PPP1R1C: variants seen among roughly 807,000 people sequenced by gnomAD.
PPP1R1C encodes the protein protein phosphatase 1 regulatory subunit 1C.
In PPP1R1C, 15 loss-of-function variants were observed where a neutral mutation model predicts 17.4. The ratio of observed to expected loss-of-function variants is 0.86; its 90% confidence interval spans 0.58 to 1.33. The LOEUF (loss-of-function observed/expected upper bound fraction) is 1.33. Among genes scored for constraint, PPP1R1C ranks in the 40% most tolerant of loss-of-function variants. The probability of loss-of-function intolerance (pLI) is 0.00; values close to 1 mark genes in which losing one functional copy is unlikely to be tolerated. For synonymous variants in PPP1R1C, 35 were observed against 43.1 expected, an observed-to-expected ratio of 0.81 and a Z score of 0.73; for missense variants, 143 against 130.0, an observed-to-expected ratio of 1.10 and a Z score of -0.48.
intron 2 of PPP1R1C, among the ~76,000 whole-genome samples, chr2:181,991,279 A>C (rs1463112294): frequency 6.6e-6 from 1 of 152,188 alleles, no homozygotes; most frequent in Non-Finnish European, 1.5e-5. Context: ...TGCTGGTCTA[A>C]ACACATAGAT....
At chr2:182,057,645 A>G (rs1687726036) in intron 2 of PPP1R1C, among the ~76,000 whole-genome samples, 1 of 152,076 alleles carries the variant, frequency 6.6e-6, no homozygotes, top group African/African-American at 2.4e-5. Context: ...CCTCTAACAC[A>G]TTTTTACTTG....
intron 4 of PPP1R1C, among the ~76,000 whole-genome samples, chr2:182,087,083 CAA>C (rs1170920841): frequency 6.6e-6 from 1 of 152,186 alleles, no homozygotes; most frequent in Non-Finnish European, 1.5e-5. Flanking sequence ...GCTCTACCCT[CAA>C]AAAAATATAC....
chr2:181,978,628 C>G (rs947733613), intron 2 of PPP1R1C, among the ~76,000 whole-genome samples: 2 of 152,128 alleles, frequency 1.3e-5, no homozygotes, highest in Admixed American at 6.5e-5. Flanking sequence ...GCAGTCCTAG[C>G]TGGAGGGACT....
downstream of PPP1R1C, among the ~76,000 whole-genome samples, chr2:182,120,062 C>A (rs1396696495): frequency 6.6e-6 from 1 of 152,066 alleles, no homozygotes; most frequent in Non-Finnish European, 1.5e-5. Flanking sequence ...AGTCTTTAAT[C>A]CATCTCGAAT....
At chr2:182,100,806 C>G (rs1186662269) in intron 4 of PPP1R1C, among the ~76,000 whole-genome samples, 2 of 152,168 alleles carry the variant, frequency 1.3e-5, no homozygotes, top group African/African-American at 4.8e-5. Context: ...CAAACAATAT[C>G]TTATGCCATT....
chr2:182,060,466 A>G (rs1687818294), intron 2 of PPP1R1C, among the ~76,000 whole-genome samples: 1 of 152,112 alleles, frequency 6.6e-6, no homozygotes, highest in African/African-American at 2.4e-5. Flanking sequence ...GATAGGGATA[A>G]AACAGAATGT....
chr2:182,082,862 G>T (rs1218156392), intron 4 of PPP1R1C, among the ~76,000 whole-genome samples: 2 of 152,080 alleles, frequency 1.3e-5, no homozygotes, highest in East Asian at 3.9e-4. Flanking sequence ...GAGCAAAAAG[G>T]TACCTGTTGG....
At chr2:182,010,571 A>G (rs1361734965) in intron 2 of PPP1R1C, among the ~76,000 whole-genome samples, 1 of 152,084 alleles carries the variant, frequency 6.6e-6, no homozygotes, top group Non-Finnish European at 1.5e-5. Flanking sequence ...TCTACAAACA[A>G]GGATAATTTA....
At chr2:181,963,210 A>G (rs780132282) in intron 1 of PPP1R1C, among the ~76,000 whole-genome samples, 2 of 152,256 alleles carry the variant, frequency 1.3e-5, no homozygotes, top group Non-Finnish European at 2.9e-5. Flanking sequence ...AACTTGCTAA[A>G]TAAATTTAGG....
intron 2 of PPP1R1C, among the ~76,000 whole-genome samples, chr2:182,033,848 A>C (rs1686919320): frequency 6.6e-6 from 1 of 152,130 alleles, no homozygotes; most frequent in Non-Finnish European, 1.5e-5. Context: ...TCTCATCCTT[A>C]CGCTAAATCG....
chr2:181,968,875 T>C lies in PPP1R1C; in HGVS notation n.112-6344T>C, dbSNP rs116037069. Among the ~76,000 whole-genome samples, 710 of 152,288 alleles carry C rather than the reference T, an allele frequency of 4.7e-3. 3 individuals carry two copies. Among genetic ancestry groups the C allele is most frequent in the African/African-American group, 0.016 (677 of 41,580 alleles). On this transcript the variant is annotated intron_variant and non_coding_transcript_variant, in intron 1 of 5. Coordinates refer to the PPP1R1C transcript ENST00000464264. ...TTTTGTGTATCTGTTGTATGTTTTT[T>C]GATTTGAGGTTACTTGAGGCTTGTA...
chr2:181,993,058 A>G (rs1255903117), intron 2 of PPP1R1C, among the ~76,000 whole-genome samples: 2 of 152,210 alleles, frequency 1.3e-5, no homozygotes, highest in Non-Finnish European at 1.5e-5. Flanking sequence ...TTAAAAAAAC[A>G]GATTTTGAAG....
intron 2 of PPP1R1C, among the ~76,000 whole-genome samples, chr2:182,016,102 C>G (rs930683015): frequency 6.6e-6 from 1 of 152,208 alleles, no homozygotes; most frequent in Non-Finnish European, 1.5e-5. Context: ...ATTCCAGCCA[C>G]TGGGATGAGT....
chr2:182,032,843 CTTAAG>C (rs1559065137), intron 2 of PPP1R1C, among the ~76,000 whole-genome samples: 2 of 152,126 alleles, frequency 1.3e-5, no homozygotes, highest in African/African-American at 2.4e-5. Flanking sequence ...ATGCTTTCTC[CTTAAG>C]TTATCAATAT....
intron 2 of PPP1R1C, among the ~76,000 whole-genome samples, chr2:182,031,398 A>G (rs1050271943): frequency 3.3e-5 from 5 of 152,238 alleles, no homozygotes; most frequent in Non-Finnish European, 7.3e-5. Context: ...TTATGTGAAG[A>G]AAAAAGTCGT....
intron 2 of PPP1R1C, among the ~76,000 whole-genome samples, chr2:182,014,117 C>T (rs1480844963): frequency 6.6e-6 from 1 of 152,182 alleles, no homozygotes; most frequent in East Asian, 1.9e-4. Context: ...TTTTGGGGCA[C>T]TGAAGAATCA....
At chr2:181,979,584 C>T (rs986158270) in intron 2 of PPP1R1C, among the ~76,000 whole-genome samples, 2 of 152,222 alleles carry the variant, frequency 1.3e-5, no homozygotes, top group Non-Finnish European at 2.9e-5. Context: ...CATTTCTTTG[C>T]ATGGGCAAGA....
Position 181,961,813 on chromosome 2 carries a change from C to A in PPP1R1C, n.111+7179C>A. 1 of 1,198,916 alleles carries A rather than the reference C, an allele frequency of 8.3e-7. No individual in the cohort carries two copies. The highest frequency in any genetic ancestry group is 1.2e-6 in the Non-Finnish European group (1 of 812,724). The allele number at this position is 1,198,916 out of a possible 1,614,324, so 74.3% of individuals were successfully genotyped here. A position where few individuals can be genotyped will look rare whatever the true frequency, so the allele number is the denominator to read the frequency against. ...AGAGCTGGCAATCTGGGCTTGTAGG[C>A]CTTTTACTTCCTCTTCGTGGTTCTT... On this transcript the variant is annotated intron_variant and non_coding_transcript_variant, in intron 1 of 5. Transcript: ENST00000464264. The surrounding 1 kb of genome is among the most constrained non-coding windows in gnomAD (Gnocchi z 5.8).
At position 182,087,704 on chromosome 2, in the gene PPP1R1C, A is replaced by T. The variant is rs575746729; in HGVS notation, c.241+23913A>T. On this transcript the variant is annotated intron_variant, in intron 4 of 4. Coordinates refer to ENST00000682840, the MANE Select transcript of PPP1R1C (RefSeq NM_001080545.3). ...CCATGTCTGTTTTGGTCATTAATGG[A>T]TCCCCAGATCCCAGCACACTATTTA... is the stretch of plus-strand genomic sequence containing the variant. Among the ~76,000 whole-genome samples the T allele has an allele frequency of 3.9e-5, 6 of 152,290 alleles. No individual in the cohort carries two copies. In the East Asian group the frequency reaches 1.2e-3, roughly 29 times the overall value.
Sources: allele counts gnomAD v4.1 joint callset (sites outside exome capture counted in the v4.1 genomes callset), GRCh38; gene constraint gnomAD v4.1.1; non-coding constraint Gnocchi (gnomAD v3.1); transcripts MANE v1.5; gene names NCBI Gene and HGNC (gene_info 2026-07-23, HGNC 2026-07-21).